RHBDD1: variants seen among roughly 807,000 people sequenced by gnomAD.
RHBDD1 encodes rhomboid domain containing 1, also known as rhomboid-related protein 4.
RHBDD1 carries 38 observed loss-of-function variants against 36.3 expected under a neutral mutation model. The observed-to-expected ratio is 1.05, with a 90% confidence interval of 0.81 to 1.37. RHBDD1 has a LOEUF of 1.37. Among genes scored for constraint, RHBDD1 ranks in the 40% most tolerant of loss-of-function variants. RHBDD1 has a pLI of 0.00. For missense variants in RHBDD1, 393 were observed against 377.6 expected, an observed-to-expected ratio of 1.04 and a Z score of -0.34; for synonymous variants, 151 against 136.5, an observed-to-expected ratio of 1.11 and a Z score of -0.74.
intron 3 of RHBDD1, among the ~76,000 whole-genome samples, chr2:226,841,331 T>A (rs866812761): frequency 6.6e-6 from 1 of 151,962 alleles, no homozygotes; most frequent in Non-Finnish European, 1.5e-5. Flanking sequence ...AGTTCAAGGG[T>A]ACGTGTGTAG....
At chr2:226,904,779 C>A (rs1443769941) in intron 5 of RHBDD1, among the ~76,000 whole-genome samples, 1 of 152,158 alleles carries the variant, frequency 6.6e-6, no homozygotes, top group Admixed American at 6.5e-5. Context: ...TTCAGGGAAT[C>A]TCCCCTAGGC....
chr2:226,985,189 A>T (rs1956665052), intron 8 of RHBDD1, among the ~76,000 whole-genome samples: 1 of 152,228 alleles, frequency 6.6e-6, no homozygotes, highest in Non-Finnish European at 1.5e-5. Context: ...GGCAGCATGC[A>T]CAATAGCAGG....
rs185427405 is a variant in RHBDD1, at chr2:226,893,678, C to T, written c.567-13115C>T. On this transcript the variant is annotated intron_variant, in intron 5 of 8. Transcript: ENST00000392062. The stretch of plus-strand genomic sequence containing the variant: ...TGTGTGCTAAGCCAGTGGTTTTCCA[C>T]TGGGATGGGTGGCTTTGTCCCCAGG... Among the ~76,000 whole-genome samples, 311 of 152,294 alleles carry T rather than the reference C, an allele frequency of 2.0e-3. 3 individuals are homozygous for T. The highest frequency in any genetic ancestry group is 0.014 in the Middle Eastern group (4 of 294).
intron 8 of RHBDD1, among the ~76,000 whole-genome samples, chr2:226,986,894 G>A (rs1957073193): frequency 6.6e-6 from 1 of 152,198 alleles, no homozygotes; most frequent in African/African-American, 2.4e-5. Context: ...GCTTATTGTA[G>A]CACTATTCAT....
the RHBDD1 span, among the ~76,000 whole-genome samples, chr2:226,801,529 C>T: frequency 6.6e-6 from 1 of 152,240 alleles, no homozygotes; most frequent in South Asian, 2.1e-4. Context: ...TCTCCCCTTC[C>T]TGTTCCCGGT....
At chr2:226,926,115 C>G (rs965009398) in intron 8 of RHBDD1, among the ~76,000 whole-genome samples, 5 of 151,998 alleles carry the variant, frequency 3.3e-5, no homozygotes, top group Admixed American at 3.3e-4. Flanking sequence ...TGCAATGGCT[C>G]ACGCCTGTAA....
intron 8 of RHBDD1, among the ~76,000 whole-genome samples, chr2:226,991,043 C>T (rs1284689762): frequency 6.6e-6 from 1 of 152,202 alleles, no homozygotes; most frequent in African/African-American, 2.4e-5. Flanking sequence ...TAATGAAAGT[C>T]ATTAATTACC....
the RHBDD1 span, among the ~76,000 whole-genome samples, chr2:226,829,788 A>T: frequency 2.0e-5 from 3 of 152,190 alleles, no homozygotes; most frequent in Non-Finnish European, 4.4e-5. Flanking sequence ...TTTTCTACAT[A>T]TCAGGTGATC....
chr2:226,936,968 G>A (rs1339609067), intron 8 of RHBDD1, among the ~76,000 whole-genome samples: 1 of 152,040 alleles, frequency 6.6e-6, no homozygotes, highest in East Asian at 1.9e-4. Flanking sequence ...ATCAATATGT[G>A]ACATTCTCTA....
At chr2:226,960,549 G>A (rs953827320) in intron 8 of RHBDD1, among the ~76,000 whole-genome samples, 3 of 152,196 alleles carry the variant, frequency 2.0e-5, no homozygotes, top group Non-Finnish European at 4.4e-5. Flanking sequence ...CTTTGTATGT[G>A]TTAGGTTATT....
At position 226,968,721 on chromosome 2, in the gene RHBDD1, A is replaced by G. The variant is rs139656318; in HGVS notation, c.857-26710A>G. ...GGAATTTTTAAGTGGGGCAGTTGGC[A>G]TTCTAGAGGGGGTGACTATTAAAAA... On this transcript the variant is annotated intron_variant, in intron 8 of 8. Coordinates refer to ENST00000392062, the MANE Select transcript of RHBDD1 (RefSeq NM_001167608.3). 6.3e-3 allele frequency among the ~76,000 whole-genome samples: 961 copies of G among 152,318 alleles called. 17 individuals are homozygous for G. The highest frequency in any genetic ancestry group is 0.022 in the African/African-American group (922 of 41,568).
At chr2:226,835,222 T>C (rs1940858784), upstream of RHBDD1, among the ~76,000 whole-genome samples, 1 of 152,204 alleles carries the variant, frequency 6.6e-6, no homozygotes, top group Admixed American at 6.5e-5. Context: ...TAAGATAGTT[T>C]TTTCATATCC....
At chr2:226,908,241 C>CTTCATGTGT (rs2125655464) in intron 6 of RHBDD1, 1 of 152,284 alleles carries the variant, frequency 6.6e-6, no homozygotes, top group African/African-American at 2.4e-5. Flanking sequence ...ACACAGGAAC[C>CTTCATGTGT]CCATGGAAAA....
At chr2:226,969,490 C>G (rs149761821) in intron 8 of RHBDD1, among the ~76,000 whole-genome samples, 120 of 141,608 alleles carry the variant, frequency 8.5e-4, no homozygotes, top group African/African-American at 3.0e-3. Context: ...GTGTTGAATA[C>G]TTTGCCTAAA....
At chr2:226,952,663 A>G (rs551965808) in intron 8 of RHBDD1, among the ~76,000 whole-genome samples, 1 of 152,260 alleles carries the variant, frequency 6.6e-6, no homozygotes, top group South Asian at 2.1e-4. Flanking sequence ...TTTATACATA[A>G]TTTTAAAAAT....
At chr2:226,801,627 C>G in the RHBDD1 span, among the ~76,000 whole-genome samples, 1 of 152,128 alleles carries the variant, frequency 6.6e-6, no homozygotes, top group Non-Finnish European at 1.5e-5. Flanking sequence ...CCTCTGACAG[C>G]TTGGTGATGT....
At chr2:226,909,439 C>T (rs923719618) in intron 7 of RHBDD1, among the ~76,000 whole-genome samples, 43 of 152,232 alleles carry the variant, frequency 2.8e-4, no homozygotes, top group Middle Eastern at 3.4e-3. Context: ...GGTGGCTACA[C>T]GGTAGTATTT....
the RHBDD1 span, among the ~76,000 whole-genome samples, chr2:226,803,248 C>G: frequency 6.6e-6 from 1 of 151,832 alleles, no homozygotes; most frequent in Non-Finnish European, 1.5e-5. Context: ...AAAAAGACAG[C>G]TTCTTACAGC....
At chr2:226,908,638 G>GACAC (rs74659334) in intron 6 of RHBDD1, 184 bp from the exon 7 acceptor site, 116 of 563,268 alleles carry the variant, frequency 2.1e-4, no homozygotes, top group African/African-American at 1.8e-3. Context: ...TCCCTGTAGG[G>GACAC]ACACACACAC....
Sources: gnomAD v4.1 joint callset for allele counts (sites outside exome capture counted in the v4.1 genomes callset) on GRCh38, gnomAD v4.1.1 for gene constraint, MANE v1.5 for transcripts, NCBI Gene and HGNC (gene_info 2026-07-23, HGNC 2026-07-21) for gene names.